Variants in GABBR2 observed in about 807,000 individuals in gnomAD.
GABBR2 encodes the protein G-protein coupled receptor 51.
Under a neutral mutation model 105.6 loss-of-function variants are expected in GABBR2, and 23 were observed. The observed-to-expected ratio is 0.22, with a 90% CI of 0.16 to 0.31. The LOEUF is 0.31. GABBR2 is among the 10% of genes least tolerant of loss of function. The pLI, the probability that GABBR2 is intolerant of heterozygous loss-of-function variation, is 1.00. For missense variants in GABBR2, 734 were observed against 1,245.5 expected (o/e 0.59, Z 6.18); for synonymous variants, 478 against 499.7 (o/e 0.96, Z 0.58).
chr9:98,292,681 T>C (rs1023605707), intron 18 of GABBR2, among the ~76,000 whole-genome samples: 3 of 152,242 alleles, frequency 2.0e-5, no homozygotes, highest in African/African-American at 7.2e-5. Flanking sequence ...AAGAATAAAC[T>C]GTGACCTGGG....
At chr9:98,654,789 C>T (rs1375729387) in intron 1 of GABBR2, among the ~76,000 whole-genome samples, 1 of 152,132 alleles carries the variant, frequency 6.6e-6, no homozygotes, top group East Asian at 1.9e-4. Flanking sequence ...ACACAAAAAC[C>T]CACATACGGA....
intron 13 of GABBR2, among the ~76,000 whole-genome samples, chr9:98,332,854 T>C (rs187150062): frequency 1.3e-5 from 2 of 152,376 alleles, no homozygotes; most frequent in East Asian, 3.9e-4. Flanking sequence ...CTTCGAGTCT[T>C]CTGTGTCTGA....
At chr9:98,625,558 C>T (rs1829726224) in intron 1 of GABBR2, among the ~76,000 whole-genome samples, 1 of 152,154 alleles carries the variant, frequency 6.6e-6, no homozygotes, top group South Asian at 2.1e-4. Flanking sequence ...TATGATATCC[C>T]CTCGCCAGGC....
intron 7 of GABBR2, among the ~76,000 whole-genome samples, chr9:98,409,834 C>A (rs1356474989): frequency 6.6e-6 from 1 of 152,212 alleles, no homozygotes; most frequent in African/African-American, 2.4e-5. Context: ...CGCTACTTGG[C>A]TTCCTCCCTT....
chr9:98,648,660 A>G (rs568557596), intron 1 of GABBR2, among the ~76,000 whole-genome samples: 1 of 152,222 alleles, frequency 6.6e-6, no homozygotes, highest in East Asian at 1.9e-4. Flanking sequence ...GGGTTACCAA[A>G]CCTAGCTTAG....
At chr9:98,452,074 G>A (rs1332350170) in intron 7 of GABBR2, among the ~76,000 whole-genome samples, 1 of 152,170 alleles carries the variant, frequency 6.6e-6, no homozygotes, top group Non-Finnish European at 1.5e-5. Flanking sequence ...CCGTGCATGT[G>A]AGCCACAGGC....
chr9:98,546,193 T>A (rs539838427), intron 2 of GABBR2, among the ~76,000 whole-genome samples: 1 of 152,342 alleles, frequency 6.6e-6, no homozygotes, highest in African/African-American at 2.4e-5. Context: ...AAAGATGAAA[T>A]CTATAGTCAT....
intron 4 of GABBR2, among the ~76,000 whole-genome samples, chr9:98,486,992 C>T (rs1203870953): frequency 6.6e-6 from 1 of 152,150 alleles, no homozygotes; most frequent in African/African-American, 2.4e-5. Flanking sequence ...TCCGTAAAGG[C>T]AGTGAAGGCA....
At chr9:98,417,958 G>A (rs942926658) in intron 7 of GABBR2, among the ~76,000 whole-genome samples, 2 of 152,140 alleles carry the variant, frequency 1.3e-5, no homozygotes, top group Non-Finnish European at 2.9e-5. Context: ...CTCTTTGGAG[G>A]AGTAGAAAGG....
chr9:98,492,349 TAAAAAAAAAAAAAAA>T (rs574771107), intron 4 of GABBR2, among the ~76,000 whole-genome samples: 2 of 29,220 alleles, frequency 6.8e-5, no homozygotes, highest in Non-Finnish European at 1.7e-4. Flanking sequence ...TGTTTCCTAG[TAAAAAAAAAAAAAAA>T]AAAAAAAAAA....
chr9:98,651,737 C>T, intron 1 of GABBR2, among the ~76,000 whole-genome samples: 1 of 152,146 alleles, frequency 6.6e-6, no homozygotes, highest in East Asian at 1.9e-4. Context: ...TGGTCTATAA[C>T]AATTTTTTTA....
chr9:98,496,213 G>C, intron 4 of GABBR2, 200 bp downstream of exon 4: 1 of 590,916 alleles, frequency 1.7e-6, no homozygotes, highest in Non-Finnish European at 3.0e-6. Flanking sequence ...CCTGCAGCCA[G>C]CACCTCTGGC....
intron 11 of GABBR2, among the ~76,000 whole-genome samples, chr9:98,372,035 C>T (rs1588127049): frequency 6.6e-6 from 1 of 152,360 alleles, no homozygotes; most frequent in East Asian, 1.9e-4. Flanking sequence ...ATGGGCCAGA[C>T]TGGCCACTGA....
chr9:98,398,182 A>G (rs1349326151), intron 8 of GABBR2, among the ~76,000 whole-genome samples: 1 of 152,100 alleles, frequency 6.6e-6, no homozygotes, highest in African/African-American at 2.4e-5. Context: ...AAATTGGGGG[A>G]GCCAGAATGT....
chr9:98,358,924 T>TG (rs1470867091), intron 13 of GABBR2, among the ~76,000 whole-genome samples: 1 of 152,242 alleles, frequency 6.6e-6, no homozygotes, highest in Non-Finnish European at 1.5e-5. Context: ...GCAGACCACC[T>TG]GGGGTGGAAT....
At chr9:98,659,923 A>G (rs926979157) in intron 1 of GABBR2, among the ~76,000 whole-genome samples, 9 of 152,322 alleles carry the variant, frequency 5.9e-5, no homozygotes, top group Admixed American at 5.2e-4. Context: ...TAGAAACTCC[A>G]TTAAACTGTT....
At chr9:98,517,689 G>A (rs1054223422) in intron 3 of GABBR2, among the ~76,000 whole-genome samples, 2 of 152,088 alleles carry the variant, frequency 1.3e-5, no homozygotes, top group Non-Finnish European at 2.9e-5. Flanking sequence ...ATCCACATGC[G>A]CCAGCCTGCC....
At chr9:98,472,987 T>C (rs866521898) in intron 6 of GABBR2, among the ~76,000 whole-genome samples, 159 bp downstream of exon 6, 1 of 152,122 alleles carries the variant, frequency 6.6e-6, no homozygotes, top group African/African-American at 2.4e-5. Context: ...AGTGGAGGGT[T>C]GTACATACCA....
At chr9:98,429,576 A>C (rs1345586195) in intron 7 of GABBR2, among the ~76,000 whole-genome samples, 1 of 152,176 alleles carries the variant, frequency 6.6e-6, no homozygotes, top group African/African-American at 2.4e-5. Flanking sequence ...ATACACTATG[A>C]TTAATTTTAG....
Sources: allele counts gnomAD v4.1 joint callset (sites outside exome capture counted in the v4.1 genomes callset), GRCh38; gene constraint gnomAD v4.1.1; transcripts MANE v1.5; gene names NCBI Gene and HGNC (gene_info 2026-07-23, HGNC 2026-07-21).